ZHX3: variants seen among roughly 807,000 people sequenced by gnomAD.
The protein encoded by ZHX3 is zinc fingers and homeoboxes 3, also known as zinc fingers and homeoboxes protein 3.
In ZHX3, 20 loss-of-function variants were observed where a neutral mutation model predicts 64.5. The observed-to-expected ratio is 0.31, with a 90% CI of 0.22 to 0.45. The LOEUF is 0.45. Among genes scored for constraint, ZHX3 ranks in the 20% least tolerant of loss-of-function variants. The pLI, the probability that ZHX3 is intolerant of heterozygous loss-of-function variation, is 1.00. For synonymous variants in ZHX3, 423 were observed against 461.6 expected (o/e 0.92, Z 1.07); for missense variants, 1,041 against 1,195.8 (o/e 0.87, Z 1.91).
At chr20:41,271,770 T>TA (rs2043161499) in intron 1 of ZHX3, among the ~76,000 whole-genome samples, 1 of 152,164 alleles carries the variant, frequency 6.6e-6, no homozygotes, top group African/African-American at 2.4e-5. Context: ...ACAGATGAGA[T>TA]ACAAATAAAA....
chr20:41,268,672 C>A (rs1417121052), intron 2 of ZHX3, among the ~76,000 whole-genome samples: 1 of 152,104 alleles, frequency 6.6e-6, no homozygotes, highest in Non-Finnish European at 1.5e-5. Context: ...TTTGACTCAC[C>A]CTGCACATCA....
intron 2 of ZHX3, among the ~76,000 whole-genome samples, chr20:41,241,598 G>A (rs2041383228): frequency 6.6e-6 from 1 of 152,048 alleles, no homozygotes; most frequent in African/African-American, 2.4e-5. Flanking sequence ...TCTGTTTCAT[G>A]GGTCTATGTG....
Position 41,204,552 on chromosome 20 carries a change from T to C in ZHX3, c.365A>G (p.Glu122Gly). Reference sequence around the variant, plus strand: ...TGTGGCATTGTGCAAGGAAAGCCCCTCAGGGGTTTTTGCCAGAAAACTGCA... The same window carrying C: ...TGTGGCATTGTGCAAGGAAAGCCCCCCAGGGGTTTTTGCCAGAAAACTGCA... ...SGCSFLAKTP[E>G]GLSLHNATCH... is the part of the protein sequence containing the mutation. The change falls in exon 3 of 4, where the codon GAG becomes GGG. Residue 122 changes from glutamate (E) to glycine (G), a missense_variant. Transcript: ENST00000683867. This position sits in a 1 kb window ranked among gnomAD's most constrained non-coding sequence, Gnocchi z 6.6. 1 of 1,614,178 alleles carries C rather than the reference T, an allele frequency of 6.2e-7. No individual in the cohort carries two copies. Among genetic ancestry groups the C allele is most frequent in the Non-Finnish European group, 8.5e-7 (1 of 1,180,036 alleles).
intron 2 of ZHX3, chr20:41,267,646 C>A (rs2042928673): frequency 6.6e-6 from 1 of 152,142 alleles, no homozygotes; most frequent in South Asian, 2.1e-4. Flanking sequence ...AGAGTGATTC[C>A]AGGGTATGGT....
chr20:41,304,684 T>G (rs1384238419), intron 1 of ZHX3, among the ~76,000 whole-genome samples: 3 of 152,204 alleles, frequency 2.0e-5, no homozygotes, highest in Non-Finnish European at 2.9e-5. Context: ...TCTTAAATTT[T>G]GGGCAGACCA....
Position 41,185,159 on chromosome 20 carries a change from C to A in ZHX3, c.*32G>T. The A allele has an allele frequency of 6.2e-7, 1 of 1,605,706 alleles. No homozygotes were observed. The highest frequency in any genetic ancestry group is 8.5e-7 in the Non-Finnish European group (1 of 1,175,786). On this transcript the variant is annotated 3_prime_UTR_variant, in exon 4 of 4. Transcript: ENST00000683867. This position sits in a 1 kb window ranked among gnomAD's most constrained non-coding sequence, Gnocchi z 5.0. Reference sequence around the variant, plus strand: ...TCCACGTGGCAGGCGGTTTCCCAGACTGGCCAGTCCTTCACATTAATCAGA... The same window carrying A: ...TCCACGTGGCAGGCGGTTTCCCAGAATGGCCAGTCCTTCACATTAATCAGA...
intron 1 of ZHX3, among the ~76,000 whole-genome samples, chr20:41,292,562 T>A (rs556855838): frequency 6.6e-6 from 1 of 152,352 alleles, no homozygotes; most frequent in East Asian, 1.9e-4. Flanking sequence ...AACTCTCTAC[T>A]CTGTGTTTCT....
Position 41,203,776 on chromosome 20 carries a change from G to A in ZHX3, c.1141C>T (p.Gln381Ter). 1 of 1,614,242 alleles carries A rather than the reference G, an allele frequency of 6.2e-7. No homozygotes were observed. The highest frequency in any genetic ancestry group is 8.5e-7 in the Non-Finnish European group (1 of 1,180,048). ...ARKKMFNTVIQSVPQPTITVL... is the reference protein window; with the variant it reads ...ARKKMFNTVI ...GTAATTGTGGGCTGAGGCACAGACT[G>A]GATGACTGTATTGAACATCTTTTTC... Residue 381 changes from glutamine (Q) to a stop codon, truncating the protein, a stop_gained, in exon 3 of 4, where the codon CAG becomes TAG. Transcript: ENST00000683867. LOFTEE classifies it high-confidence loss of function. The surrounding 1 kb of genome is among the most constrained non-coding windows in gnomAD (Gnocchi z 7.1).
At chr20:41,298,430 G>A (rs2044645202) in intron 1 of ZHX3, among the ~76,000 whole-genome samples, 1 of 152,156 alleles carries the variant, frequency 6.6e-6, no homozygotes, top group African/African-American at 2.4e-5. Flanking sequence ...AACTGAAGTT[G>A]GTTAAGTCTC....
At chr20:41,249,012 T>G (rs988528969) in intron 2 of ZHX3, among the ~76,000 whole-genome samples, 1 of 152,230 alleles carries the variant, frequency 6.6e-6, no homozygotes, top group Non-Finnish European at 1.5e-5. Flanking sequence ...AATTTTAACC[T>G]GAAATTATTT....
intron 2 of ZHX3, among the ~76,000 whole-genome samples, chr20:41,216,339 G>GA (rs2039532480): frequency 6.6e-6 from 1 of 152,094 alleles, no homozygotes; most frequent in African/African-American, 2.4e-5. Context: ...CGGAAAGAAA[G>GA]AAAAGTGAAA....
At chr20:41,302,708 T>G (rs1461929210) in intron 1 of ZHX3, among the ~76,000 whole-genome samples, 1 of 152,232 alleles carries the variant, frequency 6.6e-6, no homozygotes, top group Non-Finnish European at 1.5e-5. Context: ...CCTCTCACTC[T>G]CTTCTCCAAC....
At chr20:41,283,483 G>A (rs1221678759) in intron 1 of ZHX3, among the ~76,000 whole-genome samples, 2 of 152,198 alleles carry the variant, frequency 1.3e-5, no homozygotes, top group East Asian at 3.8e-4. Flanking sequence ...ATCGGGCCAG[G>A]TGTGGTAGCT....
intron 1 of ZHX3, chr20:41,269,335 A>G (rs1039629963): frequency 1.3e-5 from 2 of 152,228 alleles, no homozygotes; most frequent in African/African-American, 4.8e-5. Flanking sequence ...TGTAATTTTA[A>G]CGCTCTTTCC....
At chr20:41,290,083 A>G (rs1263113788) in intron 1 of ZHX3, among the ~76,000 whole-genome samples, 1 of 152,238 alleles carries the variant, frequency 6.6e-6, no homozygotes, top group Non-Finnish European at 1.5e-5. Context: ...AGTCACTACT[A>G]TGAATTTTAT....
chr20:41,309,395 C>T (rs925070185), intron 1 of ZHX3, among the ~76,000 whole-genome samples: 1 of 152,218 alleles, frequency 6.6e-6, no homozygotes, highest in East Asian at 1.9e-4. Context: ...GTTAAAAATA[C>T]ACATTCTCAG....
chr20:41,234,527 C>T (rs1600446429), intron 2 of ZHX3, among the ~76,000 whole-genome samples: 1 of 152,268 alleles, frequency 6.6e-6, no homozygotes, highest in East Asian at 1.9e-4. Flanking sequence ...TATTCCTGTC[C>T]TCAAGTTAAG....
chr20:41,230,664 G>A (rs1432921878), intron 2 of ZHX3, among the ~76,000 whole-genome samples: 5 of 152,090 alleles, frequency 3.3e-5, no homozygotes, highest in Non-Finnish European at 5.9e-5. Context: ...GATAAATTGG[G>A]TTAAATAAAA....
chr20:41,237,290 G>A (rs1366332075), intron 2 of ZHX3, among the ~76,000 whole-genome samples: 2 of 152,152 alleles, frequency 1.3e-5, no homozygotes, highest in African/African-American at 4.8e-5. Context: ...TATAAAACAT[G>A]CTGCTATAAA....
Sources: allele counts gnomAD v4.1 joint callset (sites outside exome capture counted in the v4.1 genomes callset), GRCh38; gene constraint gnomAD v4.1.1; non-coding constraint Gnocchi (gnomAD v3.1); transcripts MANE v1.5; gene names NCBI Gene and HGNC (gene_info 2026-07-23, HGNC 2026-07-21).